Variants in KCNMA1 observed in about 807,000 individuals in gnomAD.
The protein encoded by KCNMA1 is potassium calcium-activated channel subfamily M alpha 1.
KCNMA1 carries 29 observed loss-of-function variants against 140.0 expected under a neutral mutation model. The observed-to-expected ratio is 0.21, with a 90% CI of 0.15 to 0.28. The LOEUF is 0.28. Ranked by LOEUF, KCNMA1 falls within the 10% of genes least tolerant of loss-of-function variation. KCNMA1 has a pLI of 1.00. For synonymous variants in KCNMA1, 612 were observed against 611.9 expected (o/e 1.00, Z 0.00); for missense variants, 880 against 1,602.2 (o/e 0.55, Z 7.70).
intron 2 of KCNMA1, among the ~76,000 whole-genome samples, chr10:77,343,048 T>A (rs2091338251): frequency 1.3e-5 from 2 of 152,128 alleles, no homozygotes; most frequent in Admixed American, 6.5e-5. Context: ...GTAGGCTTTG[T>A]GGATTTATGT....
rs141629832 is a variant in KCNMA1 at position 77,060,384 on chromosome 10, C to T, written c.1749+12713G>A. 5.4e-3 allele frequency among the ~76,000 whole-genome samples: 823 copies of T among 152,228 alleles called. 11 individuals are homozygous for T. Among genetic ancestry groups the T allele is most frequent in the African/African-American group, 0.019 (770 of 41,532 alleles). ...ATTGGAATCTGAAGTTGTTTGGTTC[C>T]GGTACCTCCTTTCATCCTTCCATAT... On this transcript the variant is annotated intron_variant, in intron 14 of 27. Transcript: ENST00000286628.
chr10:77,246,018 T>C (rs2154243747), intron 3 of KCNMA1, among the ~76,000 whole-genome samples: 2 of 152,308 alleles, frequency 1.3e-5, no homozygotes, highest in Middle Eastern at 3.4e-3. Flanking sequence ...GCCTCCTACG[T>C]ACCCACAACT....
At chr10:77,332,464 T>C (rs991589804) in intron 2 of KCNMA1, among the ~76,000 whole-genome samples, 1 of 152,154 alleles carries the variant, frequency 6.6e-6, no homozygotes. Flanking sequence ...TGAGGGCTGT[T>C]CTGCCCATGG....
intron 5 of KCNMA1, among the ~76,000 whole-genome samples, chr10:77,123,070 C>T (rs1254713578): frequency 2.7e-5 from 4 of 150,266 alleles, no homozygotes; most frequent in East Asian, 4.0e-4. Context: ...GTCCCAGCTA[C>T]GCGGGAGGCT....
chr10:77,390,230 G>C (rs1346493711), intron 2 of KCNMA1, among the ~76,000 whole-genome samples: 1 of 152,222 alleles, frequency 6.6e-6, no homozygotes, highest in Non-Finnish European at 1.5e-5. Flanking sequence ...AACCAGAAAA[G>C]TGATAGCAAA....
intron 23 of KCNMA1, among the ~76,000 whole-genome samples, chr10:76,916,553 A>G (rs2053006171): frequency 2.6e-5 from 4 of 152,238 alleles, no homozygotes; most frequent in Admixed American, 6.5e-5. Flanking sequence ...ATGATAGGCA[A>G]GCATTCACAC....
chr10:77,348,620 A>T (rs1298860891), intron 2 of KCNMA1, among the ~76,000 whole-genome samples: 2 of 152,248 alleles, frequency 1.3e-5, no homozygotes, highest in African/African-American at 4.8e-5. Context: ...TCTTGAAAGA[A>T]GAAGCTTTGT....
downstream of KCNMA1, among the ~76,000 whole-genome samples, chr10:76,880,086 GA>G (rs1200209467): frequency 6.6e-6 from 1 of 152,186 alleles, no homozygotes; most frequent in Non-Finnish European, 1.5e-5. Flanking sequence ...TGATGGAAAT[GA>G]GTAGGTCTTT....
At chr10:77,298,741 C>T (rs1433996746) in intron 2 of KCNMA1, among the ~76,000 whole-genome samples, 2 of 152,172 alleles carry the variant, frequency 1.3e-5, no homozygotes, top group Admixed American at 1.3e-4. Context: ...CCAGCAAGTC[C>T]AGAGAGAAAT....
intron 16 of KCNMA1, among the ~76,000 whole-genome samples, chr10:77,025,640 A>C (rs2093380352): frequency 6.6e-6 from 1 of 152,106 alleles, no homozygotes; most frequent in African/African-American, 2.4e-5. Context: ...AAGGCAGTTA[A>C]ACACAGGTTA....
intron 3 of KCNMA1, among the ~76,000 whole-genome samples, chr10:77,202,605 C>T (rs1402488136): frequency 6.6e-6 from 1 of 152,102 alleles, no homozygotes; most frequent in African/African-American, 2.4e-5. Flanking sequence ...AATGAAGGTG[C>T]AGGGTGACAC....
chr10:77,349,114 C>T (rs1290860453), intron 2 of KCNMA1, among the ~76,000 whole-genome samples: 1 of 152,222 alleles, frequency 6.6e-6, no homozygotes, highest in Non-Finnish European at 1.5e-5. Context: ...ACCCCCAATT[C>T]ATACGTTGAA....
chr10:76,884,785 AG>A, downstream of KCNMA1: 2 of 649,806 alleles, frequency 3.1e-6, no homozygotes, highest in Non-Finnish European at 4.8e-6. Context: ...AGGGAAAAGG[AG>A]AGGGAAAGGG....
intron 24 of KCNMA1, chr10:76,914,463 A>G (rs2152429817): frequency 4.8e-6 from 2 of 417,908 alleles, no homozygotes; most frequent in South Asian, 6.0e-5. Context: ...TTAAATGTCA[A>G]GTTATTACAC....
chr10:77,184,243 G>A (rs1400661550), intron 4 of KCNMA1, among the ~76,000 whole-genome samples: 3 of 151,986 alleles, frequency 2.0e-5, no homozygotes, highest in African/African-American at 7.3e-5. Flanking sequence ...TTTTTGAGAT[G>A]GAGTCTTACT....
intron 6 of KCNMA1, among the ~76,000 whole-genome samples, chr10:77,118,234 G>A (rs990299893): frequency 2.6e-5 from 4 of 152,184 alleles, no homozygotes; most frequent in Non-Finnish European, 5.9e-5. Flanking sequence ...AAGCAGCAGA[G>A]TATGGAAGAG....
intron 1 of KCNMA1, among the ~76,000 whole-genome samples, chr10:77,590,351 G>T (rs1302151140): frequency 1.3e-5 from 2 of 152,226 alleles, no homozygotes; most frequent in Non-Finnish European, 2.9e-5. Flanking sequence ...CCTCGGGGAG[G>T]CTCGGGCAGC....
chr10:77,290,142 T>A (rs897121021), intron 2 of KCNMA1, among the ~76,000 whole-genome samples: 2 of 152,208 alleles, frequency 1.3e-5, no homozygotes, highest in African/African-American at 4.8e-5. Context: ...CAAATTTTTT[T>A]AAAAAGTCAA....
chr10:77,176,460 G>T (rs115654030), intron 5 of KCNMA1, among the ~76,000 whole-genome samples: 1 of 151,158 alleles, frequency 6.6e-6, no homozygotes, highest in African/African-American at 2.4e-5. Flanking sequence ...CCCATGAAAA[G>T]AAAAAAAAAT....
Sources: allele counts gnomAD v4.1 joint callset (sites outside exome capture counted in the v4.1 genomes callset), GRCh38; gene constraint gnomAD v4.1.1; transcripts MANE v1.5; gene names NCBI Gene and HGNC (gene_info 2026-07-23, HGNC 2026-07-21).